The following GABRA2 variants were observed in gnomAD, a reference collection of about 807,000 sequenced individuals.
The protein encoded by GABRA2 is gamma-aminobutyric acid receptor subunit alpha-2.
A neutral mutation model predicts 48.7 loss-of-function variants in GABRA2; 16 were observed. That is an observed-to-expected ratio of 0.33 (90% CI 0.22 to 0.50). The LOEUF is 0.50. Among genes scored for constraint, GABRA2 ranks in the 20% least tolerant of loss-of-function variants. The probability of loss-of-function intolerance (pLI) is 0.98; values close to 1 mark genes in which losing one functional copy is unlikely to be tolerated. For missense variants in GABRA2, 275 were observed against 535.6 expected, an observed-to-expected ratio of 0.51 and a Z score of 4.80; for synonymous variants, 185 against 184.5, an observed-to-expected ratio of 1.00 and a Z score of -0.02.
intron 8 of GABRA2, among the ~76,000 whole-genome samples, chr4:46,262,865 C>T (rs971666949): frequency 2.0e-5 from 3 of 151,164 alleles, no homozygotes; most frequent in Non-Finnish European, 4.4e-5. Context: ...ATGCTACACT[C>T]CAGCCTGGGC....
chr4:46,302,322 C>A (rs939361164), intron 8 of GABRA2, among the ~76,000 whole-genome samples: 2 of 152,044 alleles, frequency 1.3e-5, no homozygotes, highest in East Asian at 1.9e-4. Flanking sequence ...TGGCCTCCAA[C>A]GTGCTAGGAC....
rs895387182 is a variant in GABRA2, at chr4:46,286,003, C to T, written c.856+17457G>A. Among the ~76,000 whole-genome samples the T allele has an allele frequency of 2.6e-5, 4 of 152,062 alleles. No homozygotes were observed. In the East Asian group the frequency reaches 5.8e-4, roughly 22 times the overall value. On this transcript the variant is annotated intron_variant, in intron 8 of 9. Coordinates refer to ENST00000381620, the MANE Select transcript of GABRA2 (RefSeq NM_000807.4). ...TACAATTAACTTATAAAATTCAATG[C>T]CATTTATCCATTCACAGTGTTCTGC... is the stretch of plus-strand genomic sequence containing the variant.
intron 3 of GABRA2, among the ~76,000 whole-genome samples, chr4:46,355,845 ACTCTTTAAGGGT>A (rs1263731224): frequency 6.6e-6 from 1 of 152,056 alleles, no homozygotes; most frequent in East Asian, 1.9e-4. Context: ...CATTAGTAAG[ACTCTTTAAGGGT>A]CTTTCTAACT....
At chr4:46,272,645 G>T (rs1719558523) in intron 8 of GABRA2, among the ~76,000 whole-genome samples, 2 of 151,896 alleles carry the variant, frequency 1.3e-5, no homozygotes, top group Non-Finnish European at 1.5e-5. Context: ...TAAGAAGTAG[G>T]GGCAAAGTTA....
intron 9 of GABRA2, among the ~76,000 whole-genome samples, chr4:46,250,889 T>C (rs1714614605): frequency 6.6e-6 from 1 of 151,570 alleles, no homozygotes; most frequent in Non-Finnish European, 1.5e-5. Context: ...AAAAACAATA[T>C]AACTTTTCTT....
At chr4:46,252,967 C>A (rs1459998635) in intron 9 of GABRA2, among the ~76,000 whole-genome samples, 1 of 151,256 alleles carries the variant, frequency 6.6e-6, no homozygotes, top group East Asian at 2.0e-4. Flanking sequence ...TAGTGGAGTG[C>A]AAATCATAAC....
intron 8 of GABRA2, 135 bp from the exon 9 acceptor site, chr4:46,262,263 T>G: frequency 1.7e-6 from 1 of 578,570 alleles, no homozygotes. Context: ...AATAAATGAA[T>G]AAATACTGGA....
At chr4:46,343,809 G>T (rs1437888299) in intron 3 of GABRA2, among the ~76,000 whole-genome samples, 1 of 151,898 alleles carries the variant, frequency 6.6e-6, no homozygotes. Flanking sequence ...AAAAGATTTT[G>T]CCATCTATGT....
chr4:46,340,342 A>G (rs969821362), intron 3 of GABRA2, among the ~76,000 whole-genome samples: 1 of 151,978 alleles, frequency 6.6e-6, no homozygotes, highest in South Asian at 2.1e-4. Flanking sequence ...TTTTATCACC[A>G]CAAAGAAATC....
intron 3 of GABRA2, among the ~76,000 whole-genome samples, chr4:46,383,999 G>T (rs1005031254): frequency 1.3e-5 from 2 of 152,168 alleles, no homozygotes; most frequent in Non-Finnish European, 2.9e-5. Flanking sequence ...TCATTGAAAT[G>T]CCAATATGTA....
At chr4:46,292,044 ACG>A (rs1183648017) in intron 8 of GABRA2, among the ~76,000 whole-genome samples, 1 of 152,068 alleles carries the variant, frequency 6.6e-6, no homozygotes, top group Non-Finnish European at 1.5e-5. Flanking sequence ...TTAGAGAGTT[ACG>A]CCAAATGAGT....
chr4:46,350,309 C>T (rs770812213), intron 3 of GABRA2, among the ~76,000 whole-genome samples: 19 of 151,834 alleles, frequency 1.3e-4, no homozygotes, highest in Middle Eastern at 3.4e-3. Context: ...TCTTCATGGG[C>T]CAGCCTCATG....
intron 8 of GABRA2, among the ~76,000 whole-genome samples, chr4:46,286,800 A>T (rs1264038568): frequency 6.6e-6 from 1 of 152,034 alleles, no homozygotes; most frequent in African/African-American, 2.4e-5. Context: ...TTAATTATTT[A>T]TATTTTTGTT....
At position 46,256,263 on chromosome 4, in the gene GABRA2, A is replaced by G. The variant is rs1219086766; in HGVS notation, c.1060-5659T>C. The G allele has an allele frequency of 4.3e-6, 3 of 696,778 alleles. No individual in the cohort carries two copies. Among genetic ancestry groups the G allele is most frequent in the Non-Finnish European group, 2.6e-6 (1 of 381,458 alleles). 43.2% of individuals were successfully genotyped at this position (696,778 alleles called of 1,614,324 possible). A position where few individuals can be genotyped will look rare whatever the true frequency, so the allele number is the denominator to read the frequency against. ...TACTCTAAAGTCTTTTCTTGGAATA[A>G]ACTGGGCCATGAGAAAGCTATATAC... On this transcript the variant is annotated intron_variant, in intron 9 of 9. Coordinates refer to ENST00000381620, the MANE Select transcript of GABRA2 (RefSeq NM_000807.4).
chr4:46,289,591 C>T (rs1350432214), intron 8 of GABRA2, among the ~76,000 whole-genome samples: 3 of 152,060 alleles, frequency 2.0e-5, no homozygotes, highest in South Asian at 2.1e-4. Context: ...GAAAAAATAA[C>T]GAATAGGTAC....
intron 8 of GABRA2, among the ~76,000 whole-genome samples, chr4:46,284,966 G>GA (rs1211810973): frequency 7.0e-6 from 1 of 142,452 alleles, no homozygotes; most frequent in Non-Finnish European, 1.5e-5. Flanking sequence ...GAAATTTAAA[G>GA]AAGGTAGAAA....
chr4:46,325,254 A>T (rs71611974), intron 4 of GABRA2, among the ~76,000 whole-genome samples: 4,764 of 151,774 alleles, frequency 0.031, 91 homozygotes, highest in African/African-American at 0.053. Flanking sequence ...CAACATGTTA[A>T]TTTTTTACTT....
rs975699914 is a variant in GABRA2, at chr4:46,389,881, A to C, written c.-157T>G. The stretch of plus-strand genomic sequence containing the variant: ...AGAGAGACCGAGACTGCAGCAGCCA[A>C]GAGAGCGTGGAGCGATGGGCTGGTG... On this transcript the variant is annotated 5_prime_UTR_variant, in exon 1 of 10. Coordinates refer to ENST00000381620, the MANE Select transcript of GABRA2 (RefSeq NM_000807.4). The C allele has an allele frequency of 2.1e-6, 2 of 969,704 alleles. No homozygotes were observed. Among genetic ancestry groups the C allele is most frequent in the African/African-American group, 3.9e-5 (2 of 51,786 alleles). 60.1% of individuals were successfully genotyped at this position (969,704 alleles called of 1,614,324 possible).
chr4:46,308,383 G>C (rs1328415113), intron 6 of GABRA2, among the ~76,000 whole-genome samples: 1 of 152,132 alleles, frequency 6.6e-6, no homozygotes, highest in African/African-American at 2.4e-5. Flanking sequence ...TTGTGGAGTG[G>C]GGGTAGGGAA....
Sources: allele counts gnomAD v4.1 joint callset (sites outside exome capture counted in the v4.1 genomes callset), GRCh38; gene constraint gnomAD v4.1.1; transcripts MANE v1.5; gene names NCBI Gene and HGNC (gene_info 2026-07-23, HGNC 2026-07-21).